The following FBXL13 variants were observed in gnomAD, a reference collection of about 807,000 sequenced individuals.
FBXL13 encodes the protein F-box and leucine rich repeat protein 13.
FBXL13 carries 67 observed loss-of-function variants against 83.6 expected under a neutral mutation model. The observed-to-expected ratio is 0.80, with a 90% confidence interval of 0.66 to 0.98. The LOEUF is 0.98. Among genes scored for constraint, FBXL13 ranks in the 50% least tolerant of loss-of-function variants. FBXL13 has a pLI of 0.00. For synonymous variants in FBXL13, 272 were observed against 299.5 expected (o/e 0.91, Z 0.95); for missense variants, 822 against 866.5 (o/e 0.95, Z 0.64).
Position 102,818,780 on chromosome 7 carries a change from T to A in FBXL13, c.2018+3260A>T, listed in dbSNP as rs7809893. On this transcript the variant is annotated intron_variant, in intron 19 of 19. Transcript: ENST00000313221. ...ATATCAAAAGTTCCCTTTATTTTTTTAAAAAATTTATTTCCAACTTTTATT... is the reference window on the plus strand; with the variant it reads ...ATATCAAAAGTTCCCTTTATTTTTTAAAAAAATTTATTTCCAACTTTTATT... Among the ~76,000 whole-genome samples the A allele has an allele frequency of 7.2e-5, 11 of 152,294 alleles. No individual in the cohort carries two copies. The East Asian group carries it at 1.5e-3, about 21-fold the overall frequency.
chr7:102,945,919 T>C (rs1055705687), intron 8 of FBXL13, among the ~76,000 whole-genome samples: 2 of 152,194 alleles, frequency 1.3e-5, no homozygotes, highest in Non-Finnish European at 2.9e-5. Flanking sequence ...TCTTGCTCTG[T>C]TGCCCAGGCT....
chr7:102,832,788 C>T (rs750415082), intron 18 of FBXL13, 52 bp downstream of exon 19: 163 of 1,609,330 alleles, frequency 1.0e-4, no homozygotes, highest in Non-Finnish European at 1.4e-4. Context: ...CCTGCCTTGT[C>T]CCTTGGCAGT....
chr7:103,030,745 C>T (rs2129489246), intron 2 of FBXL13, among the ~76,000 whole-genome samples: 1 of 152,182 alleles, frequency 6.6e-6, no homozygotes, highest in South Asian at 2.1e-4. Context: ...CATTTGAACT[C>T]AAGTTTTCTT....
chr7:103,011,249 A>C (rs990431356), intron 6 of FBXL13, among the ~76,000 whole-genome samples: 2 of 152,228 alleles, frequency 1.3e-5, no homozygotes, highest in Admixed American at 6.5e-5. Context: ...AATGAAGATC[A>C]TCAATATACC....
At chr7:102,883,707 A>T in intron 12 of FBXL13, 22 bp from the exon 14 acceptor site, 1 of 1,441,290 alleles carries the variant, frequency 6.9e-7, no homozygotes, top group Non-Finnish European at 9.7e-7. Flanking sequence ...AAAAATGATT[A>T]AATTAATCAA....
intron 5 of FBXL13, among the ~76,000 whole-genome samples, chr7:103,026,712 T>C (rs1160713810): frequency 2.2e-4 from 34 of 152,188 alleles, no homozygotes; most frequent in Admixed American, 2.1e-3. Context: ...GTGTGTGCTA[T>C]TGTCAGTCTC....
chr7:102,885,798 T>C (rs886309485), intron 11 of FBXL13, among the ~76,000 whole-genome samples: 3 of 152,200 alleles, frequency 2.0e-5, no homozygotes, highest in African/African-American at 7.2e-5. Context: ...TTTTTATACA[T>C]AGTGTGAGGT....
intron 6 of FBXL13, among the ~76,000 whole-genome samples, chr7:103,024,528 C>CAAAAAAAAAAAAAAAAAAAAAAAAAAA (rs11318355): frequency 2.1e-5 from 1 of 46,788 alleles, no homozygotes; most frequent in African/African-American, 8.8e-5. Flanking sequence ...AACTCCATCT[C>CAAAAAAAAAAAAAAAAAAAAAAAAAAA]AAAAAAAAAA....
chr7:102,899,965 T>C (rs560551949), intron 11 of FBXL13, among the ~76,000 whole-genome samples: 1 of 152,180 alleles, frequency 6.6e-6, no homozygotes, highest in African/African-American at 2.4e-5. Flanking sequence ...GAGAATTGCC[T>C]GAACCCAGGA....
In FBXL13 at chr7:102,957,116, A is replaced by ATG. The variant is rs1387169802; in HGVS notation, c.724+6416_724+6417insCA. ...AAAAGAACAAAGCTGGAGGCATCGCACTACCTGACTTCAAACTATACTACA... is the reference window on the plus strand; with the variant it reads ...AAAAGAACAAAGCTGGAGGCATCGCATGCTACCTGACTTCAAACTATACTACA... On this transcript the variant is annotated intron_variant, in intron 8 of 19. Coordinates refer to ENST00000313221, the Ensembl canonical transcript of FBXL13. Among the ~76,000 whole-genome samples the ATG allele has an allele frequency of 1.2e-4, 18 of 152,148 alleles. 1 individual carries two copies. The highest frequency in any genetic ancestry group is 2.5e-4 in the Non-Finnish European group (17 of 68,016).
intron 17 of FBXL13, among the ~76,000 whole-genome samples, chr7:102,838,700 G>A (rs1284126287): frequency 6.6e-6 from 1 of 152,174 alleles, no homozygotes; most frequent in Non-Finnish European, 1.5e-5. Flanking sequence ...ATCTAGGGTT[G>A]TGCAGGATGT....
At chr7:102,845,253 C>G (rs1353041879) in intron 17 of FBXL13, among the ~76,000 whole-genome samples, 6 of 152,158 alleles carry the variant, frequency 3.9e-5, no homozygotes, top group Non-Finnish European at 8.8e-5. Flanking sequence ...AGAGTCACCT[C>G]ATTAGAACAG....
intron 6 of FBXL13, among the ~76,000 whole-genome samples, chr7:103,011,015 A>T (rs1791555641): frequency 6.6e-6 from 1 of 151,892 alleles, no homozygotes; most frequent in Non-Finnish European, 1.5e-5. Flanking sequence ...AGGGCATCAA[A>T]GAAGAAAAAA....
At chr7:102,907,003 C>T (rs763198907) in intron 11 of FBXL13, among the ~76,000 whole-genome samples, 15 of 151,808 alleles carry the variant, frequency 9.9e-5, no homozygotes, top group East Asian at 1.9e-4. Flanking sequence ...GACTGAGTCT[C>T]GCTCTGTTGC....
At chr7:102,989,935 C>T (rs547640970) in intron 6 of FBXL13, among the ~76,000 whole-genome samples, 2 of 152,334 alleles carry the variant, frequency 1.3e-5, no homozygotes, top group African/African-American at 2.4e-5. Flanking sequence ...GACCTTCTAA[C>T]TTAATGTCTC....
intron 14 of FBXL13, among the ~76,000 whole-genome samples, chr7:102,882,497 C>G (rs1204780631): frequency 6.6e-6 from 1 of 151,712 alleles, no homozygotes; most frequent in African/African-American, 2.4e-5. Context: ...TGCAGAGGCT[C>G]ACACTTGTAT....
chr7:102,925,918 G>A (rs1319592235), intron 10 of FBXL13, among the ~76,000 whole-genome samples: 2 of 149,226 alleles, frequency 1.3e-5, no homozygotes, highest in East Asian at 2.0e-4. Flanking sequence ...TGCAGCCTGG[G>A]CGACAGAGCA....
chr7:102,926,188 G>T, intron 10 of FBXL13, 86 bp downstream of exon 11: 1 of 1,075,240 alleles, frequency 9.3e-7, no homozygotes, highest in Non-Finnish European at 1.4e-6. Context: ...GATAAAGGGA[G>T]CACTGCCCTT....
intron 1 of FBXL13, among the ~76,000 whole-genome samples, chr7:103,067,493 C>T (rs1039758818): frequency 5.3e-5 from 8 of 152,180 alleles, no homozygotes; most frequent in Admixed American, 5.2e-4. Flanking sequence ...TGTTGAGTAA[C>T]TTCTGGGGCT....
Sources: gnomAD v4.1 joint callset for allele counts (sites outside exome capture counted in the v4.1 genomes callset) on GRCh38, gnomAD v4.1.1 for gene constraint, MANE v1.5 for transcripts, NCBI Gene and HGNC (gene_info 2026-07-23, HGNC 2026-07-21) for gene names.